RBFOX1: variants seen among roughly 807,000 people sequenced by gnomAD.
RBFOX1 encodes the protein RNA binding protein fox-1 homolog 1.
In RBFOX1, 8 loss-of-function variants were observed where a neutral mutation model predicts 57.7. The observed-to-expected ratio is 0.14, with a 90% CI of 0.08 to 0.25. The LOEUF (loss-of-function observed/expected upper bound fraction) is 0.25. Ranked by LOEUF, RBFOX1 falls within the 10% of genes least tolerant of loss-of-function variation. The pLI is 1.00. For missense variants in RBFOX1, 611 were observed against 548.5 expected (o/e 1.11, Z -1.14); for synonymous variants, 326 against 222.4 (o/e 1.47, Z -4.15).
chr16:7,516,482 G>A (rs1401861195), intron 4 of RBFOX1, among the ~76,000 whole-genome samples: 1 of 152,220 alleles, frequency 6.6e-6, no homozygotes. Flanking sequence ...AGAAACAGGA[G>A]TGGAGACAGA....
chr16:5,728,907 A>G (rs1243647810), intron 3 of RBFOX1, among the ~76,000 whole-genome samples: 1 of 152,190 alleles, frequency 6.6e-6, no homozygotes, highest in Non-Finnish European at 1.5e-5. Context: ...GTGGGTTCCC[A>G]GAGACAATAT....
chr16:7,562,266 G>C (rs1018429501), intron 5 of RBFOX1, among the ~76,000 whole-genome samples: 2 of 152,120 alleles, frequency 1.3e-5, no homozygotes, highest in African/African-American at 2.4e-5. Context: ...TGCTGGTGTC[G>C]TCCAAAACAG....
intron 3 of RBFOX1, among the ~76,000 whole-genome samples, chr16:5,606,856 C>G (rs1363432613): frequency 6.6e-6 from 1 of 152,084 alleles, no homozygotes; most frequent in Non-Finnish European, 1.5e-5. Flanking sequence ...TGGGCATGAA[C>G]TTGGGTCTGT....
chr16:7,575,621 G>A (rs2093260506), intron 5 of RBFOX1, among the ~76,000 whole-genome samples: 1 of 152,114 alleles, frequency 6.6e-6, no homozygotes, highest in African/African-American at 2.4e-5. Flanking sequence ...AGGAAGTGTG[G>A]CCCTCCTGGC....
intron 1 of RBFOX1, among the ~76,000 whole-genome samples, chr16:6,209,556 A>G (rs189823171): frequency 1.1e-3 from 171 of 152,364 alleles, no homozygotes; most frequent in African/African-American, 3.8e-3. Context: ...ATTAAGCAGT[A>G]AAAACTCTGA....
intron 1 of RBFOX1, among the ~76,000 whole-genome samples, chr16:5,245,125 G>C (rs772478783): frequency 3.9e-5 from 6 of 152,196 alleles, no homozygotes; most frequent in Admixed American, 6.5e-5. Context: ...ATGAGTTGGA[G>C]GCTGGGACAG....
chr16:5,242,844 G>C (rs1425015250), intron 1 of RBFOX1, among the ~76,000 whole-genome samples: 1 of 152,086 alleles, frequency 6.6e-6, no homozygotes, highest in African/African-American at 2.4e-5. Context: ...GTGGCTCCCA[G>C]GCTGTGCTCT....
intron 3 of RBFOX1, among the ~76,000 whole-genome samples, chr16:7,002,164 C>A (rs2092877232): frequency 6.6e-6 from 1 of 152,120 alleles, no homozygotes; most frequent in South Asian, 2.1e-4. Flanking sequence ...GGCCATCCAC[C>A]TCTCAGTGTA....
Position 6,886,669 on chromosome 16 carries a change from C to T in RBFOX1, c.-15-165388C>T, listed in dbSNP as rs914851763. Among the ~76,000 whole-genome samples, 8 of 151,566 alleles carry T rather than the reference C, an allele frequency of 5.3e-5. No individual in the cohort carries two copies. In the East Asian group the frequency reaches 5.9e-4, roughly 11 times the overall value. ...GCTCAGGAGGCTGAGGCACAAGAAT[C>T]GCTTGAACCCAGCAGGCAGAGGTTG... On this transcript the variant is annotated intron_variant, in intron 3 of 15. Coordinates refer to ENST00000550418, the MANE Select transcript of RBFOX1 (RefSeq NM_018723.4).
chr16:6,636,939 A>T (rs1479974624), intron 2 of RBFOX1, among the ~76,000 whole-genome samples: 1 of 107,786 alleles, frequency 9.3e-6, no homozygotes, highest in African/African-American at 5.0e-5. Flanking sequence ...ATAAATATAC[A>T]TAAAATATAC....
chr16:5,784,109 A>G (rs1285389084), intron 3 of RBFOX1, among the ~76,000 whole-genome samples: 2 of 152,140 alleles, frequency 1.3e-5, no homozygotes, highest in Non-Finnish European at 2.9e-5. Context: ...GGAAACCTAC[A>G]CTCACGGCAG....
intron 4 of RBFOX1, among the ~76,000 whole-genome samples, chr16:7,442,591 T>TCAGGCCTAAACAGGCCTAAA (rs2098777273): frequency 6.6e-6 from 1 of 152,140 alleles, no homozygotes; most frequent in Non-Finnish European, 1.5e-5. Flanking sequence ...GCAACTAGCT[T>TCAGGCCTAAACAGGCCTAAA]CAGGCCTAAA....
intron 1 of RBFOX1, among the ~76,000 whole-genome samples, chr16:5,375,309 G>A (rs2065957632): frequency 6.6e-6 from 1 of 152,130 alleles, no homozygotes; most frequent in African/African-American, 2.4e-5. Flanking sequence ...CCACCATAGG[G>A]AAAACTGTTC....
At chr16:6,155,323 C>T (rs12449228) in intron 1 of RBFOX1, among the ~76,000 whole-genome samples, 12,904 of 152,148 alleles carry the variant, frequency 0.085, 755 homozygotes, top group Admixed American at 0.19. Flanking sequence ...TGTTCAGCGC[C>T]GTGGAGCTGT....
intron 3 of RBFOX1, among the ~76,000 whole-genome samples, chr16:6,701,311 C>A (rs1272572870): frequency 3.9e-5 from 6 of 152,208 alleles, no homozygotes; most frequent in Admixed American, 2.0e-4. Context: ...TGCCTGCTGA[C>A]GTCACCCCCT....
chr16:7,235,915 G>GAA (rs1416932074), intron 4 of RBFOX1, among the ~76,000 whole-genome samples: 1 of 152,142 alleles, frequency 6.6e-6, no homozygotes, highest in East Asian at 1.9e-4. Flanking sequence ...GCCCTCCTGT[G>GAA]AATGTTCTCT....
intron 4 of RBFOX1, among the ~76,000 whole-genome samples, chr16:7,441,453 T>C (rs1361311237): frequency 2.0e-5 from 3 of 152,186 alleles, no homozygotes; most frequent in African/African-American, 4.8e-5. Context: ...GATGGGACTC[T>C]AGGGATTCAT....
chr16:7,586,264 G>C (rs539593633), intron 6 of RBFOX1, among the ~76,000 whole-genome samples: 7 of 152,072 alleles, frequency 4.6e-5, no homozygotes, highest in Admixed American at 4.6e-4. Flanking sequence ...CTGTACTCAA[G>C]AAATGGCCAC....
At chr16:6,709,036 C>T (rs2063285658) in intron 3 of RBFOX1, among the ~76,000 whole-genome samples, 1 of 151,966 alleles carries the variant, frequency 6.6e-6, no homozygotes, top group South Asian at 2.1e-4. Context: ...ATTACACCAT[C>T]TCCCCAGGTG....
Sources: gnomAD v4.1 joint callset for allele counts (sites outside exome capture counted in the v4.1 genomes callset) on GRCh38, gnomAD v4.1.1 for gene constraint, MANE v1.5 for transcripts, NCBI Gene and HGNC (gene_info 2026-07-23, HGNC 2026-07-21) for gene names.